The following SHANK1 variants were observed in gnomAD, a reference collection of about 807,000 sequenced individuals.
The protein encoded by SHANK1 is SH3 and multiple ankyrin repeat domains protein 1.
Under a neutral mutation model 165.6 loss-of-function variants are expected in SHANK1, and 35 were observed. The observed-to-expected ratio is 0.21, with a 90% CI of 0.16 to 0.28. The LOEUF is 0.28. Among genes scored for constraint, SHANK1 ranks in the 10% least tolerant of loss-of-function variants. SHANK1 has a pLI of 1.00. For missense variants in SHANK1, 2,681 were observed against 3,036.4 expected (o/e 0.88, Z 2.75); for synonymous variants, 1,428 against 1,384.8 (o/e 1.03, Z -0.69).
rs532608613 is a variant in SHANK1, at chr19:50,700,381, A to G, written c.1747+2086T>C. Among the ~76,000 whole-genome samples, 394 of 122,820 alleles carry G rather than the reference A, an allele frequency of 3.2e-3. 2 individuals are homozygous for G. Among genetic ancestry groups the G allele is most frequent in the Middle Eastern group, 5.6e-3 (1 of 178 alleles). 80.6% of individuals were successfully genotyped at this position (122,820 alleles called of 152,430 possible). A position where few individuals can be genotyped will look rare whatever the true frequency, so the allele number is the denominator to read the frequency against. On this transcript the variant is annotated intron_variant, in intron 12 of 23. Transcript: ENST00000293441. The stretch of plus-strand genomic sequence containing the variant: ...GGGGCATAGGAGGATTGGAGAGCTC[A>G]GGGCATTGGGAGATTGGAGGACTTG...
chr19:50,715,618 T>G (rs2089060748), intron 4 of SHANK1, 41 bp downstream of exon 4: 5 of 1,505,206 alleles, frequency 3.3e-6, no homozygotes, highest in African/African-American at 1.5e-5. Context: ...GCTCCAGTGG[T>G]AGGGGGCTAT....
intron 4 of SHANK1, among the ~76,000 whole-genome samples, chr19:50,714,822 A>C (rs1230456693): frequency 6.6e-6 from 1 of 152,150 alleles, no homozygotes; most frequent in Non-Finnish European, 1.5e-5. Flanking sequence ...TTGAGATGAA[A>C]ATTATTAATG....
chr19:50,699,258 T>C (rs1284872248), intron 12 of SHANK1, among the ~76,000 whole-genome samples: 1 of 152,206 alleles, frequency 6.6e-6, no homozygotes, highest in East Asian at 1.9e-4. Flanking sequence ...AATATTTAGT[T>C]AGTGCCAGTC....
At chr19:50,679,108 T>G (rs1182268842) in intron 21 of SHANK1, among the ~76,000 whole-genome samples, 3 of 6,710 alleles carry the variant, frequency 4.5e-4, no homozygotes, top group Non-Finnish European at 7.0e-4. Flanking sequence ...GGTCAGGGTG[T>G]GGGGAGGGGT....
intron 15 of SHANK1, among the ~76,000 whole-genome samples, chr19:50,689,842 C>T (rs537782018): frequency 6.6e-6 from 1 of 152,288 alleles, no homozygotes; most frequent in Non-Finnish European, 1.5e-5. Flanking sequence ...GACTCATGTA[C>T]TTTGATGATA....
rs759783997 is a variant in SHANK1, at chr19:50,666,936, A to G, written c.5024T>C (p.Ile1675Thr). 1.2e-6 allele frequency: 2 copies of G among 1,601,750 alleles called. No homozygotes were observed. Among genetic ancestry groups the G allele is most frequent in the Admixed American group, 1.7e-5 (1 of 59,138 alleles). ...GCTGCTCCGACTGTCCACCTCCTCG[A>G]TGCCAGAATCCGTGCCAGGCGGAGG... Reference protein sequence around the residue: ...PDPPPGTDSGIEEVDSRSSSD... With the variant: ...PDPPPGTDSGTEEVDSRSSSD... The change falls in exon 23 of 24, where the codon ATC becomes ACC. Residue 1675 changes from isoleucine to threonine, a missense_variant. Ile to Thr is a moderately conservative substitution (Grantham distance 89). This residue lies in a region of SHANK1 where 1,713 missense variants were observed against 1,630.2 expected (regional missense o/e 1.05). Transcript: ENST00000293441.
chr19:50,675,061 C>CAAAAAAAAA (rs10560370), intron 21 of SHANK1, among the ~76,000 whole-genome samples: 1 of 85,706 alleles, frequency 1.2e-5, no homozygotes, highest in Non-Finnish European at 2.2e-5. Flanking sequence ...CACTCGGTCT[C>CAAAAAAAAA]AAAAAAAAAA....
Position 50,661,961 on chromosome 19 carries a change from G to C in SHANK1, c.*4C>G. On this transcript the variant is annotated 3_prime_UTR_variant, in exon 24 of 24. Transcript: ENST00000293441. ...GGACGGGGCTGGTCCGTCCAGGCCA[G>C]CCATCACCTCTCCAGGAAGAATTTG... The C allele has an allele frequency of 6.2e-7, 1 of 1,613,696 alleles. No homozygotes were observed.
At position 50,686,077 on chromosome 19, in the gene SHANK1, C is replaced by T. The variant is rs183905667; in HGVS notation, c.2577+160G>A. ...GGGGATAAGGAGGAAAGGAGGTCTC[C>T]AAAGTTGGGAGAAAGGAGGAAACCC... On this transcript the variant is annotated intron_variant, in intron 21 of 23. Transcript: ENST00000293441. This position sits in a 1 kb window ranked among gnomAD's most constrained non-coding sequence, Gnocchi z 5.7. 4.6e-5 allele frequency among the ~76,000 whole-genome samples: 7 copies of T among 152,124 alleles called. No homozygotes were observed. The East Asian group carries it at 1.4e-3, about 29-fold the overall frequency.
Position 50,661,121 on chromosome 19 carries a change from G to C in SHANK1, c.*844C>G, listed in dbSNP as rs1449481498. On this transcript the variant is annotated 3_prime_UTR_variant, in exon 24 of 24. Transcript: ENST00000293441. ...GCTGAGCAAAGAGCAGGGCACTCCA[G>C]AGAATGAATGATGTGCATGGAGTCT... is the stretch of plus-strand genomic sequence containing the variant. Among the ~76,000 whole-genome samples the C allele has an allele frequency of 1.3e-5, 2 of 152,118 alleles. No individual in the cohort carries two copies. Among genetic ancestry groups the C allele is most frequent in the African/African-American group, 4.8e-5 (2 of 41,420 alleles).
chr19:50,700,452 G>A (rs567013695), intron 12 of SHANK1, among the ~76,000 whole-genome samples: 12 of 152,104 alleles, frequency 7.9e-5, no homozygotes, highest in African/African-American at 2.9e-4. Context: ...GGACTGGAGA[G>A]TAGGATGAGG....
chr19:50,689,005 G>A, intron 16 of SHANK1, 37 bp from the exon 17 acceptor site: 1 of 1,453,636 alleles, frequency 6.9e-7, no homozygotes, highest in South Asian at 1.2e-5. Context: ...TCGGAGGGGA[G>A]GGGGTGGAGA....
Position 50,668,464 on chromosome 19 carries a change from TG to T in SHANK1, c.3495del (p.Ser1166ValfsTer177). 1 of 1,334,018 alleles carries T rather than the reference TG, an allele frequency of 7.5e-7. No individual in the cohort carries two copies. The highest frequency in any genetic ancestry group is 1.5e-5 in the African/African-American group (1 of 65,760). 82.6% of individuals were successfully genotyped at this position (1,334,018 alleles called of 1,614,324 possible). A position where few individuals can be genotyped will look rare whatever the true frequency, so the allele number is the denominator to read the frequency against. Reference protein sequence around the residue: ...IPTIIIKAPSTSSSGRSSQGS... With the variant: ...IPTIIIKAPSXSSSGRSSQGS... ...CCCTGGCTGCTGCGGCCGCTGCTAC[TG>T]GTGGACGGGGCCTTGATGATGATGG... is the stretch of plus-strand genomic sequence containing the variant. On this transcript the variant is annotated frameshift_variant, in exon 23 of 24. Coordinates refer to ENST00000293441, the MANE Select transcript of SHANK1 (RefSeq NM_016148.5). LOFTEE classifies it high-confidence loss of function.
At chr19:50,689,554 TG>T in intron 15 of SHANK1, 1 of 598,180 alleles carries the variant, frequency 1.7e-6, no homozygotes, top group South Asian at 2.0e-5. Context: ...CCAGGCACGG[TG>T]GGGAGGATGG....
chr19:50,710,369 T>G (rs544561241), intron 8 of SHANK1, among the ~76,000 whole-genome samples: 4 of 152,282 alleles, frequency 2.6e-5, no homozygotes, highest in Non-Finnish European at 4.4e-5. Flanking sequence ...TTGGAAGACT[T>G]CCTGGAGGAA....
intron 15 of SHANK1, among the ~76,000 whole-genome samples, chr19:50,692,519 C>A (rs942633226): frequency 2.0e-5 from 3 of 148,468 alleles, no homozygotes; most frequent in Non-Finnish European, 4.5e-5. Context: ...GGGGTCCAAC[C>A]ACATCCAGAC....
At chr19:50,700,217 G>C (rs955411766) in intron 12 of SHANK1, among the ~76,000 whole-genome samples, 6 of 145,036 alleles carry the variant, frequency 4.1e-5, no homozygotes, top group Non-Finnish European at 4.5e-5. Context: ...GGGCATTGGA[G>C]GATTAGAGGG....
At chr19:50,711,022 T>G (rs1250020524) in intron 8 of SHANK1, 1 of 195,262 alleles carries the variant, frequency 5.1e-6, no homozygotes, top group East Asian at 1.3e-4. Flanking sequence ...GTCCCAGATG[T>G]GGGCTCCCGC....
rs1323827780 is a variant in SHANK1, at chr19:50,690,381, C to T, written c.1965-1102G>A. Among the ~76,000 whole-genome samples the T allele has an allele frequency of 6.6e-6, 1 of 152,128 alleles. No homozygotes were observed. Among genetic ancestry groups the T allele is most frequent in the Non-Finnish European group, 1.5e-5 (1 of 68,004 alleles). ...ACTGTACACCTCAGGAATATACATC[C>T]ATTCCATTCCCAGAGGATCCGACAC... On this transcript the variant is annotated intron_variant, in intron 15 of 23. Coordinates refer to ENST00000293441, the MANE Select transcript of SHANK1 (RefSeq NM_016148.5). The surrounding 1 kb of genome is among the most constrained non-coding windows in gnomAD (Gnocchi z 4.9).
Sources: gnomAD v4.1 joint callset for allele counts (sites outside exome capture counted in the v4.1 genomes callset) on GRCh38, gnomAD v4.1.1 for gene constraint, gnomAD v4.1.1 regional missense constraint, Gnocchi (gnomAD v3.1) non-coding constraint, MANE v1.5 for transcripts, NCBI Gene and HGNC (gene_info 2026-07-23, HGNC 2026-07-21) for gene names.